Variants in GABRB3 observed in about 807,000 individuals in gnomAD.
GABRB3 encodes gamma-aminobutyric acid type A receptor subunit beta3.
In GABRB3, 14 loss-of-function variants were observed where a neutral mutation model predicts 52.1. The ratio of observed to expected loss-of-function variants is 0.27; its 90% CI spans 0.18 to 0.42. The LOEUF (loss-of-function observed/expected upper bound fraction) is 0.42. Ranked by LOEUF, GABRB3 falls within the 10% of genes least tolerant of loss-of-function variation. The pLI is 1.00. For synonymous variants in GABRB3, 260 were observed against 232.3 expected (o/e 1.12, Z -1.08); for missense variants, 307 against 609.1 (o/e 0.50, Z 5.22).
At chr15:26,557,849 T>A (rs1044586128) in intron 8 of GABRB3, 3 of 152,226 alleles carry the variant, frequency 2.0e-5, no homozygotes, top group Non-Finnish European at 4.4e-5. Flanking sequence ...ATTTATAATA[T>A]ACTTTTTCTA....
chr15:26,763,616 A>ACG (rs1890882769), intron 3 of GABRB3, among the ~76,000 whole-genome samples: 1 of 151,532 alleles, frequency 6.6e-6, no homozygotes, highest in African/African-American at 2.4e-5. Context: ...ATACACACAC[A>ACG]CACACACACA....
chr15:26,568,002 T>C (rs1237223672), intron 6 of GABRB3, among the ~76,000 whole-genome samples: 2 of 152,264 alleles, frequency 1.3e-5, no homozygotes, highest in African/African-American at 2.4e-5. Context: ...TATTAGTTTT[T>C]AGCTTAGAAT....
intron 3 of GABRB3, among the ~76,000 whole-genome samples, chr15:26,714,485 T>C (rs1889405082): frequency 6.6e-6 from 1 of 152,124 alleles, no homozygotes; most frequent in African/African-American, 2.4e-5. Flanking sequence ...AAGATGAGCA[T>C]TGGTTCAGTC....
chr15:26,605,251 G>C (rs1011423350), intron 4 of GABRB3, among the ~76,000 whole-genome samples: 1 of 152,110 alleles, frequency 6.6e-6, no homozygotes, highest in African/African-American at 2.4e-5. Context: ...TTATCCAAAA[G>C]TCATTCAATA....
intron 8 of GABRB3, among the ~76,000 whole-genome samples, chr15:26,551,174 GT>G (rs1023251798): frequency 3.3e-5 from 5 of 152,126 alleles, no homozygotes; most frequent in African/African-American, 1.2e-4. Context: ...GGCCAGTGAG[GT>G]TTTTGTTTTT....
intron 3 of GABRB3, among the ~76,000 whole-genome samples, chr15:26,705,749 G>C (rs1889077850): frequency 6.6e-6 from 1 of 152,164 alleles, no homozygotes; most frequent in Admixed American, 6.5e-5. Context: ...GGAGCAGCAG[G>C]AAACATTTGG....
At chr15:26,761,173 T>A (rs112797463) in intron 3 of GABRB3, among the ~76,000 whole-genome samples, 2,251 of 152,212 alleles carry the variant, frequency 0.015, 54 homozygotes, top group African/African-American at 0.05. Context: ...GGCAGGCGGA[T>A]CACCAGGTCA....
At position 26,544,904 on chromosome 15, in the gene GABRB3, C is replaced by G. The variant is rs191581252; in HGVS notation, c.*2889G>C. 6.6e-6 allele frequency: 1 copy of G among 152,586 alleles called. No homozygotes were observed. Among genetic ancestry groups the G allele is most frequent in the African/African-American group, 2.4e-5 (1 of 41,438 alleles). The allele number at this position is 152,586 out of a possible 1,614,324, so 9.5% of individuals were successfully genotyped here. Reference sequence around the variant, plus strand: ...GTGGGTAACAGCCACCTCCCAACAACGTCAGAGGTCCGGGTTCAGAATTCC... The same window carrying G: ...GTGGGTAACAGCCACCTCCCAACAAGGTCAGAGGTCCGGGTTCAGAATTCC... On this transcript the variant is annotated 3_prime_UTR_variant, in exon 9 of 9. Transcript: ENST00000311550.
intron 3 of GABRB3, among the ~76,000 whole-genome samples, chr15:26,667,338 G>C (rs1887748134): frequency 6.6e-6 from 1 of 152,110 alleles, no homozygotes; most frequent in Non-Finnish European, 1.5e-5. Flanking sequence ...GTAGGATCTG[G>C]GGGTGACACA....
At chr15:26,574,841 A>G (rs1030358935) in intron 6 of GABRB3, among the ~76,000 whole-genome samples, 1 of 152,210 alleles carries the variant, frequency 6.6e-6, no homozygotes, top group South Asian at 2.1e-4. Context: ...CAAATATACT[A>G]AACACCACTG....
rs56143305 is a variant in GABRB3 at position 26,690,106 on chromosome 15, A to ATTTTTTTT, written c.241-68580_241-68573dup. Among the ~76,000 whole-genome samples the ATTTTTTTT allele has an allele frequency of 3.3e-4, 45 of 137,484 alleles. 2 individuals are homozygous for ATTTTTTTT. The highest frequency in any genetic ancestry group is 6.7e-4 in the East Asian group (3 of 4,510). The allele number at this position is 137,484 out of a possible 152,430, so 90.2% of individuals were successfully genotyped here. ...ATCTGGAGAATGAGAAGGTACACGGATTTTTTTTTTTTTTTGAGACAAGGT... is the reference window on the plus strand; with the variant it reads ...ATCTGGAGAATGAGAAGGTACACGGATTTTTTTTTTTTTTTTTTTTTTTGAGACAAGGT... On this transcript the variant is annotated intron_variant, in intron 3 of 8. Coordinates refer to ENST00000311550, the MANE Select transcript of GABRB3 (RefSeq NM_000814.6).
At chr15:26,578,257 C>G (rs10519563) in intron 6 of GABRB3, among the ~76,000 whole-genome samples, 21,659 of 152,178 alleles carry the variant, frequency 0.14, 1,967 homozygotes, top group Non-Finnish European at 0.19. Context: ...TCTTCATGCA[C>G]AGGTGAATTA....
At chr15:26,733,745 A>G (rs1033645375) in intron 3 of GABRB3, among the ~76,000 whole-genome samples, 3 of 152,238 alleles carry the variant, frequency 2.0e-5, no homozygotes, top group African/African-American at 7.2e-5. Flanking sequence ...AACAGTAATC[A>G]AAACAATATG....
intron 3 of GABRB3, among the ~76,000 whole-genome samples, chr15:26,734,647 A>G (rs996339977): frequency 6.0e-5 from 9 of 149,960 alleles, no homozygotes; most frequent in African/African-American, 2.2e-4. Flanking sequence ...TCAAAAAAAA[A>G]AAAAAAAAAG....
Position 26,747,011 on chromosome 15 carries a change from CAAACAAAT to C in GABRB3, c.240+25383_240+25390del, listed in dbSNP as rs1048041665. On this transcript the variant is annotated intron_variant, in intron 3 of 8. Coordinates refer to ENST00000311550, the MANE Select transcript of GABRB3 (RefSeq NM_000814.6). ...CAAAATAAATAAACAAACAAACAAACAAACAAATAATCAGTTGGGCATATTTGTGTGGG... is the reference window on the plus strand; with the variant it reads ...CAAAATAAATAAACAAACAAACAAACAATCAGTTGGGCATATTTGTGTGGG... Among the ~76,000 whole-genome samples the C allele has an allele frequency of 2.7e-3, 383 of 142,212 alleles. 3 individuals carry two copies. The highest frequency in any genetic ancestry group is 8.7e-3 in the African/African-American group (342 of 39,350). 93.3% of individuals were successfully genotyped at this position (142,212 alleles called of 152,430 possible).
intron 7 of GABRB3, among the ~76,000 whole-genome samples, chr15:26,564,447 C>T (rs1310767531): frequency 6.6e-6 from 1 of 152,154 alleles, no homozygotes; most frequent in Admixed American, 6.5e-5. Context: ...GAAGAGCCAG[C>T]AGAACAGGCC....
intron 8 of GABRB3, among the ~76,000 whole-genome samples, chr15:26,551,686 T>C (rs1013973420): frequency 6.6e-6 from 1 of 152,156 alleles, no homozygotes; most frequent in Non-Finnish European, 1.5e-5. Flanking sequence ...ATCCTACAGT[T>C]ATAGGATGAA....
At chr15:26,673,429 T>A (rs1221410465) in intron 3 of GABRB3, among the ~76,000 whole-genome samples, 2 of 152,224 alleles carry the variant, frequency 1.3e-5, no homozygotes, top group Admixed American at 6.5e-5. Context: ...TTATCTCTAT[T>A]ACTTACCGGA....
intron 3 of GABRB3, among the ~76,000 whole-genome samples, chr15:26,660,667 G>C (rs1471731169): frequency 6.6e-6 from 1 of 152,110 alleles, no homozygotes; most frequent in African/African-American, 2.4e-5. Flanking sequence ...TTGGGTTGTA[G>C]ATCTGGTTTT....
Sources: gnomAD v4.1 joint callset for allele counts (sites outside exome capture counted in the v4.1 genomes callset) on GRCh38, gnomAD v4.1.1 for gene constraint, MANE v1.5 for transcripts, NCBI Gene and HGNC (gene_info 2026-07-23, HGNC 2026-07-21) for gene names.